RC3H1: variants seen among roughly 807,000 people sequenced by gnomAD.
RC3H1 encodes the protein ring finger and CCCH-type domains 1.
In RC3H1, 50 loss-of-function variants were observed where a neutral mutation model predicts 138.2. That is an observed-to-expected ratio of 0.36 (90% confidence interval 0.29 to 0.46). The LOEUF is 0.46. Among genes scored for constraint, RC3H1 ranks in the 20% least tolerant of loss-of-function variants. The probability of loss-of-function intolerance (pLI) is 1.00; values close to 1 mark genes in which losing one functional copy is unlikely to be tolerated. For missense variants in RC3H1, 1,031 were observed against 1,388.1 expected, an observed-to-expected ratio of 0.74 and a Z score of 4.09; for synonymous variants, 462 against 489.1, an observed-to-expected ratio of 0.94 and a Z score of 0.73.
intron 1 of RC3H1, among the ~76,000 whole-genome samples, chr1:174,008,997 A>G (rs1987873): frequency 0.092 from 13,549 of 147,230 alleles, 863 homozygotes; most frequent in East Asian, 0.21. Context: ...AAAAAAAAAA[A>G]AGAGATGTTT....
Position 173,947,712 on chromosome 1 carries a change from C to T in RC3H1, c.2524-130G>A, listed in dbSNP as rs771309061. The stretch of plus-strand genomic sequence containing the variant: ...TGGTAAGACTAAAATCATTAGTTAC[C>T]TTTGGTTGTTTTTATGTAACACTGG... On this transcript the variant is annotated intron_variant, in intron 14 of 19. Coordinates refer to ENST00000367696, the MANE Select transcript of RC3H1 (RefSeq NM_172071.4). 2 of 684,824 alleles carry T rather than the reference C, an allele frequency of 2.9e-6. 1 individual carries two copies. Among genetic ancestry groups the T allele is most frequent in the Admixed American group, 5.4e-5 (2 of 37,314 alleles). The allele number at this position is 684,824 out of a possible 1,614,324, so 42.4% of individuals were successfully genotyped here.
Position 173,938,723 on chromosome 1 carries a change from A to C in RC3H1, c.3400T>G (p.Ter1134GluextTer12). 6.3e-7 allele frequency: 1 copy of C among 1,597,840 alleles called. No homozygotes were observed. The highest frequency in any genetic ancestry group is 8.5e-7 in the Non-Finnish European group (1 of 1,171,900). ...RSGVTPSSAP[*>E] ...ATAAAAGTAGGACTCCTCATATTTT[A>C]AGGAGCAGAACTGGGAGTAACTCCT... The change falls in exon 20 of 20, where the codon TAA becomes GAA. Residue 1134 changes from the stop codon to glutamate, a stop_lost. Transcript: ENST00000367696.
chr1:174,012,340 G>T (rs1057063138), intron 1 of RC3H1, among the ~76,000 whole-genome samples: 1 of 151,974 alleles, frequency 6.6e-6, no homozygotes, highest in Non-Finnish European at 1.5e-5. Context: ...ATTGTTTAAA[G>T]AATTATAAAT....
At chr1:173,981,191 T>C (rs1483137970) in intron 5 of RC3H1, among the ~76,000 whole-genome samples, 182 bp from the exon 6 acceptor site, 1 of 152,248 alleles carries the variant, frequency 6.6e-6, no homozygotes, top group East Asian at 1.9e-4. Context: ...CATCCCATTC[T>C]GAGTCAAGTT....
chr1:174,002,157 T>A (rs895249047), intron 1 of RC3H1, among the ~76,000 whole-genome samples: 2 of 152,198 alleles, frequency 1.3e-5, no homozygotes, highest in African/African-American at 2.4e-5. Context: ...GATTCATGTA[T>A]ACATTTTGAA....
At chr1:173,986,010 G>C (rs1661011164) in intron 2 of RC3H1, among the ~76,000 whole-genome samples, 1 of 152,068 alleles carries the variant, frequency 6.6e-6, no homozygotes, top group African/African-American at 2.4e-5. Flanking sequence ...CCTGTATTCA[G>C]TTTCCCCTAT....
At chr1:173,996,739 C>T (rs1245062064) in intron 1 of RC3H1, among the ~76,000 whole-genome samples, 1 of 152,124 alleles carries the variant, frequency 6.6e-6, no homozygotes, top group Non-Finnish European at 1.5e-5. Flanking sequence ...CAGTGACATA[C>T]CCTCTCTTCC....
chr1:174,015,875 T>A (rs1661853525), intron 1 of RC3H1: 1 of 152,148 alleles, frequency 6.6e-6, no homozygotes, highest in Non-Finnish European at 1.5e-5. Flanking sequence ...ACATTATTTT[T>A]ATTTTTGTAT....
At position 174,004,651 on chromosome 1, in the gene RC3H1, C is replaced by CA. The variant is rs5778791; in HGVS notation, c.-150-11517dup. On this transcript the variant is annotated intron_variant, in intron 1 of 19. Coordinates refer to ENST00000367696, the MANE Select transcript of RC3H1 (RefSeq NM_172071.4). ...TGGAACCCCATCTCTACTAAAAATA[C>CA]AAAAAAAAAAAAAAAAATTAGCTGG... 6.7e-3 allele frequency among the ~76,000 whole-genome samples: 747 copies of CA among 111,320 alleles called. 1 individual carries two copies. Among genetic ancestry groups the CA allele is most frequent in the Admixed American group, 0.024 (247 of 10,252 alleles). 73.0% of individuals were successfully genotyped at this position (111,320 alleles called of 152,430 possible).
intron 13 of RC3H1, among the ~76,000 whole-genome samples, chr1:173,957,558 C>A (rs957917853): frequency 6.6e-6 from 1 of 151,906 alleles, no homozygotes; most frequent in Non-Finnish European, 1.5e-5. Flanking sequence ...TTCTTCCCCC[C>A]CTCTAATTTT....
rs2103127081 is a variant in RC3H1 at position 174,022,003 on chromosome 1, A to C, written c.-151+93T>G. 1 of 384,650 alleles carries C rather than the reference A, an allele frequency of 2.6e-6. No individual in the cohort carries two copies. The highest frequency in any genetic ancestry group is 3.7e-5 in the East Asian group (1 of 26,856). The allele number at this position is 384,650 out of a possible 1,614,324, so 23.8% of individuals were successfully genotyped here. ...GGAGGAGCAGAGGGCGGGCGAGGAC[A>C]AACCCTTCCCGACCACAGCTGCCTA... On this transcript the variant is annotated intron_variant, in intron 1 of 19. Transcript: ENST00000367696. This position sits in a 1 kb window ranked among gnomAD's most constrained non-coding sequence, Gnocchi z 4.2.
chr1:173,977,558 C>T (rs530493446), intron 7 of RC3H1, among the ~76,000 whole-genome samples: 40 of 152,226 alleles, frequency 2.6e-4, no homozygotes, highest in African/African-American at 9.2e-4. Flanking sequence ...TCAGAGGACA[C>T]GATGGGGAAT....
chr1:173,986,698 G>A (rs777004337), intron 2 of RC3H1, among the ~76,000 whole-genome samples: 2 of 152,174 alleles, frequency 1.3e-5, no homozygotes, highest in African/African-American at 4.8e-5. Flanking sequence ...GAGTAGCTGG[G>A]ATTACAGGCA....
intron 19 of RC3H1, among the ~76,000 whole-genome samples, chr1:173,939,528 CAAAAAAAAAAA>C (rs61301994): frequency 5.6e-5 from 2 of 35,946 alleles, no homozygotes; most frequent in Admixed American, 4.0e-4. Context: ...GAGATTTTAT[CAAAAAAAAAAA>C]AAAAAAAAAA....
chr1:173,969,405 T>C (rs1208642997), intron 9 of RC3H1: 1 of 151,626 alleles, frequency 6.6e-6, no homozygotes, highest in African/African-American at 2.4e-5. Flanking sequence ...TCAGATGAGC[T>C]CAGGTGGATT....
intron 14 of RC3H1, among the ~76,000 whole-genome samples, chr1:173,951,318 T>C (rs1219193200): frequency 6.8e-6 from 1 of 148,062 alleles, no homozygotes; most frequent in Non-Finnish European, 1.5e-5. Flanking sequence ...AGAGTGAAAC[T>C]CCATCCCCCC....
At chr1:174,014,830 A>AT (rs1357006220) in intron 1 of RC3H1, among the ~76,000 whole-genome samples, 3 of 151,926 alleles carry the variant, frequency 2.0e-5, no homozygotes, top group African/African-American at 7.2e-5. Context: ...TGTATGTTCT[A>AT]TTTTTTTTAG....
intron 1 of RC3H1, among the ~76,000 whole-genome samples, chr1:173,998,344 A>T (rs1661502204): frequency 6.6e-6 from 1 of 152,190 alleles, no homozygotes; most frequent in African/African-American, 2.4e-5. Flanking sequence ...ACTGCTGCTC[A>T]AGTATGAAAG....
intron 1 of RC3H1, among the ~76,000 whole-genome samples, chr1:174,011,652 G>A (rs779822548): frequency 2.0e-5 from 3 of 151,388 alleles, no homozygotes; most frequent in African/African-American, 7.3e-5. Flanking sequence ...AAGCACAGAG[G>A]GACAGCTTAC....
Sources: gnomAD v4.1 joint callset for allele counts (sites outside exome capture counted in the v4.1 genomes callset) on GRCh38, gnomAD v4.1.1 for gene constraint, Gnocchi (gnomAD v3.1) non-coding constraint, MANE v1.5 for transcripts, NCBI Gene and HGNC (gene_info 2026-07-23, HGNC 2026-07-21) for gene names.